Variants in LOC122539214 observed in about 807,000 individuals in gnomAD.
At chr19:52,686,522 A>G in the LOC122539214 span, among the ~76,000 whole-genome samples, 6,184 of 150,872 alleles carry the variant, frequency 0.041, 422 homozygotes, top group African/African-American at 0.14. Flanking sequence ...AAAGAAATCT[A>G]TTACACAACA....
At chr19:52,683,697 A>G in the LOC122539214 span, among the ~76,000 whole-genome samples, 2 of 152,172 alleles carry the variant, frequency 1.3e-5, no homozygotes, top group African/African-American at 4.8e-5. Context: ...GACCTTAGAG[A>G]GGCCTTCTCC....
chr19:52,687,518 A>T, the LOC122539214 span, among the ~76,000 whole-genome samples: 1 of 34,046 alleles, frequency 2.9e-5, no homozygotes, highest in Non-Finnish European at 5.5e-5. Flanking sequence ...ATTATATATA[A>T]ATTTTATATA....
At chr19:52,661,456 G>C in the LOC122539214 span, among the ~76,000 whole-genome samples, 1 of 152,098 alleles carries the variant, frequency 6.6e-6, no homozygotes, top group African/African-American at 2.4e-5. Flanking sequence ...GTGGATCACA[G>C]ACTGACCTCA....
the LOC122539214 span, among the ~76,000 whole-genome samples, chr19:52,687,416 T>C: frequency 1.9e-5 from 1 of 53,202 alleles, no homozygotes; most frequent in South Asian, 5.3e-4. Flanking sequence ...ATATAAATTA[T>C]AATATAAATT....
At chr19:52,682,241 G>T in the LOC122539214 span, among the ~76,000 whole-genome samples, 1 of 152,078 alleles carries the variant, frequency 6.6e-6, no homozygotes, top group African/African-American at 2.4e-5. Context: ...TGCAAATGAT[G>T]TGTTTTCTAC....
chr19:52,683,226 CTCTGTGTGTGTGTGTGTGTGTGTG>C, the LOC122539214 span, among the ~76,000 whole-genome samples: 11 of 135,768 alleles, frequency 8.1e-5, no homozygotes, highest in South Asian at 5.0e-4. Context: ...TGCCCTGTGA[CTCTGTGTGTGTGTGTGTGTGTGTG>C]TGTGTGTGTG....
the LOC122539214 span, among the ~76,000 whole-genome samples, chr19:52,681,933 G>A: frequency 6.6e-5 from 10 of 152,194 alleles, no homozygotes; most frequent in East Asian, 1.2e-3. Flanking sequence ...CTGCAACCTC[G>A]TTTGCCCAGG....
chr19:52,685,586 C>G, the LOC122539214 span, among the ~76,000 whole-genome samples: 2 of 151,942 alleles, frequency 1.3e-5, no homozygotes, highest in African/African-American at 4.8e-5. Context: ...AAGACGTAAG[C>G]GAACTGTTTC....
the LOC122539214 span, among the ~76,000 whole-genome samples, chr19:52,665,102 A>G: frequency 6.6e-6 from 1 of 152,206 alleles, no homozygotes; most frequent in Non-Finnish European, 1.5e-5. Context: ...CGGCCCACAG[A>G]ACCAATTAGA....
chr19:52,652,213 C>T, the LOC122539214 span: 7 of 216,930 alleles, frequency 3.2e-5, 1 homozygote, highest in South Asian at 2.0e-4. Context: ...CCGAGGCAGG[C>T]GGATCACAAG....
chr19:52,659,174 AC>A, the LOC122539214 span, among the ~76,000 whole-genome samples: 2 of 151,036 alleles, frequency 1.3e-5, no homozygotes, highest in African/African-American at 4.9e-5. Context: ...GCAGAAACAG[AC>A]CCCCCACAGT....
the LOC122539214 span, among the ~76,000 whole-genome samples, chr19:52,688,107 G>A: frequency 1.8e-4 from 28 of 151,964 alleles, no homozygotes; most frequent in African/African-American, 6.5e-4. Flanking sequence ...ATACACAGAA[G>A]TCAACATGTC....
the LOC122539214 span, chr19:52,652,425 A>C: frequency 2.6e-6 from 1 of 381,846 alleles, no homozygotes; most frequent in Non-Finnish European, 5.1e-6. Flanking sequence ...AAAGAGTAAG[A>C]CTTCATCTGA....
chr19:52,663,219 G>A, the LOC122539214 span, among the ~76,000 whole-genome samples: 2 of 152,066 alleles, frequency 1.3e-5, no homozygotes, highest in Non-Finnish European at 2.9e-5. Flanking sequence ...CAAAAGAAAT[G>A]TCTCTTTCAA....
At chr19:52,682,689 GAAAAAGAAAAAGA>G in the LOC122539214 span, among the ~76,000 whole-genome samples, 3 of 15,098 alleles carry the variant, frequency 2.0e-4, no homozygotes, top group African/African-American at 2.2e-3. Context: ...AAAAGAAAAA[GAAAAAGAAAAAGA>G]AAAAGAAAAA....
chr19:52,674,661 T>C, the LOC122539214 span, among the ~76,000 whole-genome samples: 2 of 151,960 alleles, frequency 1.3e-5, no homozygotes, highest in South Asian at 4.1e-4. Context: ...AGAAAACACT[T>C]CCATTTTCTA....
At chr19:52,664,137 G>A in the LOC122539214 span, among the ~76,000 whole-genome samples, 1 of 151,368 alleles carries the variant, frequency 6.6e-6, no homozygotes, top group African/African-American at 2.4e-5. Flanking sequence ...ACCAGCCTTG[G>A]CCTCCAAACT....
chr19:52,654,448 G>T, the LOC122539214 span: 2 of 755,436 alleles, frequency 2.6e-6, no homozygotes, highest in Non-Finnish European at 4.1e-6. Context: ...AGTACAGATG[G>T]TAAATAATAT....
chr19:52,673,306 A>T, the LOC122539214 span, among the ~76,000 whole-genome samples: 8 of 152,180 alleles, frequency 5.3e-5, no homozygotes, highest in Non-Finnish European at 1.2e-4. Flanking sequence ...AGAGTTCGAG[A>T]CCAGCCTGAC....
Sources: allele counts gnomAD v4.1 joint callset (sites outside exome capture counted in the v4.1 genomes callset), GRCh38; gene constraint gnomAD v4.1.1; transcripts MANE v1.5.